KALRN: variants seen among roughly 807,000 people sequenced by gnomAD.
KALRN encodes the protein kalirin RhoGEF kinase.
A neutral mutation model predicts 353.7 loss-of-function variants in KALRN; 70 were observed. The observed-to-expected ratio is 0.20, with a 90% CI of 0.16 to 0.24. The LOEUF is 0.24. KALRN is among the 10% of genes least tolerant of loss of function. The probability of loss-of-function intolerance (pLI) is 1.00; values close to 1 mark genes in which losing one functional copy is unlikely to be tolerated. For synonymous variants in KALRN, 1,391 were observed against 1,434.8 expected (o/e 0.97, Z 0.69); for missense variants, 2,791 against 3,756.7 (o/e 0.74, Z 6.72).
rs771795932 is a variant in KALRN at position 124,334,450 on chromosome 3, C to T, written c.1602C>T (p.Leu534=). 6.2e-7 allele frequency: 1 copy of T among 1,613,982 alleles called. No individual in the cohort carries two copies. The highest frequency in any genetic ancestry group is 1.1e-5 in the South Asian group (1 of 91,074). Residue 534 remains leucine (L), a synonymous_variant, in exon 9 of 60, where the codon CTC becomes CTT. Transcript: ENST00000682506. This position sits in a 1 kb window ranked among gnomAD's most constrained non-coding sequence, Gnocchi z 4.2. ...TCTGGCAGCACCGCAAGGTGCGGCT[C>T]CACCAGCGGCTGCAGCTCTGCGTCT... ...ESIWQHRKVR[L]HQRLQLCVFQ...
At chr3:124,535,179 GTTT>G (rs200899149) in intron 33 of KALRN, among the ~76,000 whole-genome samples, 9 of 147,468 alleles carry the variant, frequency 6.1e-5, no homozygotes, top group Non-Finnish European at 1.4e-4. Flanking sequence ...CTATAAAGAA[GTTT>G]TTTTTTTTAA....
chr3:124,394,442 C>T (rs2089905781), intron 11 of KALRN, among the ~76,000 whole-genome samples: 2 of 152,188 alleles, frequency 1.3e-5, no homozygotes, highest in African/African-American at 4.8e-5. Context: ...AGTTTTAACT[C>T]CTCATCATTT....
At chr3:124,338,330 G>A (rs1360161207) in intron 9 of KALRN, among the ~76,000 whole-genome samples, 6 of 152,110 alleles carry the variant, frequency 3.9e-5, no homozygotes, top group Middle Eastern at 3.2e-3. Context: ...ATTCTGGTAC[G>A]TTGTGTCTTT....
chr3:124,160,241 G>C (rs2069699790), intron 1 of KALRN, among the ~76,000 whole-genome samples: 1 of 151,768 alleles, frequency 6.6e-6, no homozygotes, highest in Non-Finnish European at 1.5e-5. Context: ...ATGCCGGCCT[G>C]GATGGAGGGG....
At chr3:124,115,696 C>T (rs148573739) in intron 1 of KALRN, among the ~76,000 whole-genome samples, 21 of 152,244 alleles carry the variant, frequency 1.4e-4, no homozygotes, top group Admixed American at 3.3e-4. Flanking sequence ...GACCAGGGTT[C>T]CTGCAGGGAG....
chr3:124,558,891 C>T lies in KALRN; in HGVS notation c.4936-3952C>T, dbSNP rs2071590805. On this transcript the variant is annotated intron_variant, in intron 33 of 59. Coordinates refer to ENST00000682506, the MANE Select transcript of KALRN (RefSeq NM_001388419.1). The stretch of plus-strand genomic sequence containing the variant: ...GAATTCTTCAGGGGTCCTGTCCTCA[C>T]TCTCTGGATGCCATTGGGAAACCAT... Among the ~76,000 whole-genome samples the T allele has an allele frequency of 2.0e-5, 3 of 152,366 alleles. No homozygotes were observed. In the South Asian group the frequency reaches 6.2e-4, roughly 32 times the overall value.
At chr3:124,700,143 C>G (rs2062250101) in intron 56 of KALRN, 110 bp downstream of exon 56, 1 of 980,582 alleles carries the variant, frequency 1.0e-6, no homozygotes, top group Non-Finnish European at 1.6e-6. Flanking sequence ...CAAGAGGCAC[C>G]TTTTAGAGGA....
At chr3:124,346,666 A>C (rs987613604) in intron 9 of KALRN, among the ~76,000 whole-genome samples, 1 of 152,154 alleles carries the variant, frequency 6.6e-6, no homozygotes, top group African/African-American at 2.4e-5. Context: ...TAGGAAGGGG[A>C]GTCCCCGGAG....
At chr3:124,596,016 A>G (rs914977860) in intron 34 of KALRN, among the ~76,000 whole-genome samples, 1 of 152,200 alleles carries the variant, frequency 6.6e-6, no homozygotes, top group Non-Finnish European at 1.5e-5. Flanking sequence ...TCTGTGCAAG[A>G]TACATAAACT....
At chr3:124,230,115 C>T (rs901864674) in intron 2 of KALRN, among the ~76,000 whole-genome samples, 3 of 152,222 alleles carry the variant, frequency 2.0e-5, no homozygotes, top group Admixed American at 6.5e-5. Flanking sequence ...TGCTGATCCC[C>T]GTAGCCTGGG....
intron 13 of KALRN, among the ~76,000 whole-genome samples, chr3:124,408,069 G>A (rs1250518297): frequency 1.3e-5 from 2 of 152,148 alleles, no homozygotes; most frequent in Non-Finnish European, 2.9e-5. Context: ...CACTGTGCCT[G>A]GCCAAAACTT....
At chr3:124,566,621 T>C (rs2109971587) in intron 34 of KALRN, among the ~76,000 whole-genome samples, 1 of 152,292 alleles carries the variant, frequency 6.6e-6, no homozygotes, top group Non-Finnish European at 1.5e-5. Context: ...TCAAAACCCT[T>C]TCCCTGTCTC....
intron 10 of KALRN, among the ~76,000 whole-genome samples, chr3:124,384,365 G>T (rs942388362): frequency 1.3e-5 from 2 of 152,138 alleles, no homozygotes; most frequent in Admixed American, 6.5e-5. Context: ...AAATAGCTCT[G>T]TTCCAAAAAG....
intron 34 of KALRN, among the ~76,000 whole-genome samples, chr3:124,591,420 G>T (rs1404237919): frequency 6.6e-6 from 1 of 152,184 alleles, no homozygotes; most frequent in African/African-American, 2.4e-5. Context: ...TTACAGGTGT[G>T]AGCCACCATG....
rs2062236324 is a variant in KALRN at position 124,699,874 on chromosome 3, C to G, written c.7837C>G (p.Gln2613Glu). Residue 2613 changes from glutamine (Q) to glutamate (E), a missense_variant, in exon 56 of 60, where the codon CAG becomes GAG. By Grantham distance (29) the Gln-to-Glu change is conservative. This residue lies in a region of KALRN where 1,065 missense variants were observed against 1,156.4 expected (regional missense o/e 0.92). Transcript: ENST00000682506. ...CCTGGGAAACTGTACACTAGGTTCT[C>G]AGATCTGGCAGCAGTCAGTGGCTTC... The part of the protein sequence containing the change: ...YTVEYREEGS[Q>E]IWQQSVASTL... 1 of 1,614,042 alleles carries G rather than the reference C, an allele frequency of 6.2e-7. No homozygotes were observed. Among genetic ancestry groups the G allele is most frequent in the African/African-American group, 1.3e-5 (1 of 74,946 alleles).
intron 1 of KALRN, among the ~76,000 whole-genome samples, chr3:124,130,605 C>G (rs1054530733): frequency 2.0e-5 from 3 of 151,952 alleles, no homozygotes. Flanking sequence ...ACCCCATGAA[C>G]CCATAATTCT....
At chr3:124,230,701 A>G (rs923040521) in intron 2 of KALRN, among the ~76,000 whole-genome samples, 23 of 152,118 alleles carry the variant, frequency 1.5e-4, no homozygotes, top group Non-Finnish European at 2.9e-4. Flanking sequence ...GCCTTATTCA[A>G]CTGCACCTGC....
intron 6 of KALRN, among the ~76,000 whole-genome samples, chr3:124,319,611 AT>A (rs2079120821): frequency 6.7e-6 from 1 of 148,856 alleles, no homozygotes; most frequent in Non-Finnish European, 1.5e-5. Context: ...TATACCAAAA[AT>A]TTTTTTAACT....
At chr3:124,710,523 C>T (rs1285745906) in intron 57 of KALRN, among the ~76,000 whole-genome samples, 2 of 152,176 alleles carry the variant, frequency 1.3e-5, no homozygotes, top group Non-Finnish European at 2.9e-5. Context: ...CAATGTCTCA[C>T]ACCTATAAGC....
Sources: gnomAD v4.1 joint callset for allele counts (sites outside exome capture counted in the v4.1 genomes callset) on GRCh38, gnomAD v4.1.1 for gene constraint, gnomAD v4.1.1 regional missense constraint, Gnocchi (gnomAD v3.1) non-coding constraint, MANE v1.5 for transcripts, NCBI Gene and HGNC (gene_info 2026-07-23, HGNC 2026-07-21) for gene names.